Variants in HEMK2 observed in about 807,000 individuals in gnomAD.
The protein encoded by HEMK2 is methyltransferase HEMK2.
chr21:28,642,058 T>G, the HEMK2 span, among the ~76,000 whole-genome samples: 1 of 152,190 alleles, frequency 6.6e-6, no homozygotes, highest in African/African-American at 2.4e-5. Context: ...AGCCATCACG[T>G]TGGGGCTCAA....
At chr21:28,755,274 T>A in the HEMK2 span, among the ~76,000 whole-genome samples, 6 of 152,202 alleles carry the variant, frequency 3.9e-5, no homozygotes, top group Non-Finnish European at 5.9e-5. Context: ...ACAAGAGTGA[T>A]AAATTAGGCC....
the HEMK2 span, among the ~76,000 whole-genome samples, chr21:28,719,948 G>A: frequency 6.6e-6 from 1 of 152,194 alleles, no homozygotes; most frequent in East Asian, 1.9e-4. Context: ...GTTGAACAAG[G>A]CAACATGCTG....
the HEMK2 span, among the ~76,000 whole-genome samples, chr21:28,721,900 TCACACACA>T: frequency 5.5e-5 from 7 of 127,372 alleles, no homozygotes; most frequent in African/African-American, 9.2e-5. Context: ...TTCTTAACCA[TCACACACA>T]CACACACACA....
the HEMK2 span, among the ~76,000 whole-genome samples, chr21:28,611,065 C>CA: frequency 6.6e-6 from 1 of 152,166 alleles, no homozygotes; most frequent in Non-Finnish European, 1.5e-5. Flanking sequence ...CAGATATTTA[C>CA]AGAACATTCT....
the HEMK2 span, among the ~76,000 whole-genome samples, chr21:28,623,426 C>A: frequency 6.6e-6 from 1 of 152,188 alleles, no homozygotes; most frequent in African/African-American, 2.4e-5. Context: ...GACAGTGTGA[C>A]AATTCCTCAA....
the HEMK2 span, among the ~76,000 whole-genome samples, chr21:28,700,722 G>A: frequency 6.6e-6 from 1 of 152,132 alleles, no homozygotes; most frequent in Non-Finnish European, 1.5e-5. Flanking sequence ...GATGCATAAA[G>A]AGCTGGTACC....
chr21:28,728,846 TCTCAAGCTGCCAGGACACAGATCTCTCC>T, the HEMK2 span, among the ~76,000 whole-genome samples: 1 of 152,004 alleles, frequency 6.6e-6, no homozygotes, highest in African/African-American at 2.4e-5. Context: ...ATTTTAATCT[TCTCAAGCTGCCAGGACACAGATCTCTCC>T]CTCTTTCCCT....
chr21:28,707,145 T>C, the HEMK2 span, among the ~76,000 whole-genome samples: 2 of 152,324 alleles, frequency 1.3e-5, no homozygotes, highest in African/African-American at 4.8e-5. Flanking sequence ...TTTAAATATT[T>C]ATTAGTTTTA....
chr21:28,863,326 A>G, the HEMK2 span, among the ~76,000 whole-genome samples: 1 of 148,480 alleles, frequency 6.7e-6, no homozygotes, highest in African/African-American at 2.5e-5. Flanking sequence ...TGGAACTTGG[A>G]CTGGCTCTCC....
chr21:28,671,337 G>A, the HEMK2 span: 1 of 152,202 alleles, frequency 6.6e-6, no homozygotes, highest in African/African-American at 2.4e-5. Flanking sequence ...AATCCTGTCT[G>A]AAAACCCAAG....
the HEMK2 span, among the ~76,000 whole-genome samples, chr21:28,727,220 A>G: frequency 1.3e-5 from 2 of 152,216 alleles, no homozygotes; most frequent in African/African-American, 4.8e-5. Flanking sequence ...ACACTGTCTC[A>G]GTCCCCACGT....
the HEMK2 span, among the ~76,000 whole-genome samples, chr21:28,771,527 C>CG: frequency 5.0e-5 from 7 of 139,838 alleles, no homozygotes; most frequent in Non-Finnish European, 9.4e-5. Flanking sequence ...CACCCCCCCC[C>CG]GCCAAAGAAT....
chr21:28,664,593 T>C, the HEMK2 span, among the ~76,000 whole-genome samples: 3 of 152,162 alleles, frequency 2.0e-5, 1 homozygote, highest in African/African-American at 7.2e-5. Context: ...TCCTAAAACT[T>C]TGCCTTTTAA....
chr21:28,806,422 A>C, the HEMK2 span, among the ~76,000 whole-genome samples: 1 of 152,334 alleles, frequency 6.6e-6, no homozygotes, highest in Non-Finnish European at 1.5e-5. Context: ...GATACGGATT[A>C]AACTGTGCTC....
At chr21:28,882,004 T>C in the HEMK2 span, among the ~76,000 whole-genome samples, 8 of 152,028 alleles carry the variant, frequency 5.3e-5, no homozygotes, top group Admixed American at 3.3e-4. Flanking sequence ...GAGGCCTGAA[T>C]TGTGGAAAAG....
At chr21:28,592,615 A>G in the HEMK2 span, among the ~76,000 whole-genome samples, 133,319 of 152,246 alleles carry the variant, frequency 0.88, 59,271 homozygotes, top group African/African-American at 0.93. Context: ...AAAGCCATCC[A>G]GCAGAATGCC....
At chr21:28,623,915 T>C in the HEMK2 span, among the ~76,000 whole-genome samples, 1 of 152,146 alleles carries the variant, frequency 6.6e-6, no homozygotes, top group Non-Finnish European at 1.5e-5. Context: ...CAAACCACCA[T>C]GGCACGTGTA....
the HEMK2 span, among the ~76,000 whole-genome samples, chr21:28,658,760 C>T: frequency 6.6e-6 from 1 of 152,070 alleles, no homozygotes; most frequent in East Asian, 1.9e-4. Flanking sequence ...AACCTCTTGT[C>T]CTTTTCATGT....
chr21:28,830,707 C>T, the HEMK2 span, among the ~76,000 whole-genome samples: 1 of 152,052 alleles, frequency 6.6e-6, no homozygotes, highest in Non-Finnish European at 1.5e-5. Flanking sequence ...GAAACACTGT[C>T]TCTACTAAAA....
Sources: allele counts gnomAD v4.1 joint callset (sites outside exome capture counted in the v4.1 genomes callset), GRCh38; gene constraint gnomAD v4.1.1; transcripts MANE v1.5; gene names NCBI Gene and HGNC (gene_info 2026-07-23, HGNC 2026-07-21).